The following NCKAP1 variants were observed in gnomAD, a reference collection of about 807,000 sequenced individuals.
NCKAP1 encodes the protein NCK associated protein 1.
NCKAP1 carries 21 observed loss-of-function variants against 151.2 expected under a neutral mutation model. The ratio of observed to expected loss-of-function variants is 0.14; its 90% confidence interval spans 0.10 to 0.20. The LOEUF (loss-of-function observed/expected upper bound fraction) is 0.20. Among genes scored for constraint, NCKAP1 ranks in the 10% least tolerant of loss-of-function variants. The probability of loss-of-function intolerance (pLI) is 1.00; values close to 1 mark genes in which losing one functional copy is unlikely to be tolerated. For synonymous variants in NCKAP1, 484 were observed against 451.8 expected (o/e 1.07, Z -0.90); for missense variants, 933 against 1,352.1 (o/e 0.69, Z 4.86).
chr2:182,953,322 A>C lies in NCKAP1; in HGVS notation c.2163T>G (p.Val721=). Residue 721 remains valine, a synonymous_variant, in exon 21 of 31, where the codon GTT becomes GTG. Coordinates refer to ENST00000361354, the MANE Select transcript of NCKAP1 (RefSeq NM_013436.5). ...HLEIRFTKSI[V]GMTMYNQATQ... Reference sequence around the variant, plus strand: ...TGGCTTGATTATACATAGTCATCCCAACAATTGACCTGGGAAGAAGGGATA... The same window carrying C: ...TGGCTTGATTATACATAGTCATCCCCACAATTGACCTGGGAAGAAGGGATA... 2 of 1,610,506 alleles carry C rather than the reference A, an allele frequency of 1.2e-6. No individual in the cohort carries two copies. The highest frequency in any genetic ancestry group is 2.2e-5 in the South Asian group (2 of 90,630).
At chr2:182,971,393 C>T (rs13000008) in intron 15 of NCKAP1, among the ~76,000 whole-genome samples, 10,499 of 69,530 alleles carry the variant, frequency 0.15, 861 homozygotes, top group Middle Eastern at 0.26. Context: ...GACTCCGTCT[C>T]AAAAAAAAAA....
chr2:182,934,282 C>T (rs984572418), intron 26 of NCKAP1: 1 of 152,276 alleles, frequency 6.6e-6, no homozygotes, highest in Non-Finnish European at 1.5e-5. Flanking sequence ...GGACTACAGG[C>T]ACCCGCCACC....
rs2105787253 is a variant in NCKAP1, at chr2:182,915,581, A to G, written c.*10121T>C. 6.6e-6 allele frequency: 1 copy of G among 152,274 alleles called. No individual in the cohort carries two copies. Among genetic ancestry groups the G allele is most frequent in the South Asian group, 2.1e-4 (1 of 4,822 alleles). 9.4% of individuals were successfully genotyped at this position (152,274 alleles called of 1,614,324 possible). On this transcript the variant is annotated 3_prime_UTR_variant, in exon 31 of 31. Transcript: ENST00000361354. Reference sequence around the variant, plus strand: ...CAGCTGCGAAAGAACTGCCAGTGCAATCTTGAGACTAGATGAGGAGTTACA... The same window carrying G: ...CAGCTGCGAAAGAACTGCCAGTGCAGTCTTGAGACTAGATGAGGAGTTACA...
intron 2 of NCKAP1, among the ~76,000 whole-genome samples, chr2:183,009,419 A>AAGGG (rs1306212763): frequency 7.1e-5 from 7 of 98,282 alleles, no homozygotes; most frequent in African/African-American, 1.5e-4. Context: ...GGAAAGAGGG[A>AAGGG]AGGGAAGGAA....
chr2:182,983,123 G>C (rs530552548), intron 11 of NCKAP1, among the ~76,000 whole-genome samples, 163 bp downstream of exon 11: 1 of 152,092 alleles, frequency 6.6e-6, no homozygotes, highest in African/African-American at 2.4e-5. Context: ...AAGAATGCAG[G>C]GAGGTACGAT....
At chr2:182,949,172 G>T (rs962666722) in intron 23 of NCKAP1, among the ~76,000 whole-genome samples, 1 of 152,186 alleles carries the variant, frequency 6.6e-6, no homozygotes, top group African/African-American at 2.4e-5. Flanking sequence ...TACAGTAATT[G>T]ATAAGATGGC....
At position 182,952,586 on chromosome 2, in the gene NCKAP1, T is replaced by C; in HGVS notation, c.2504-84A>G. 2 of 1,147,818 alleles carry C rather than the reference T, an allele frequency of 1.7e-6. No individual in the cohort carries two copies. The highest frequency in any genetic ancestry group is 2.5e-5 in the East Asian group (1 of 40,412). The allele number at this position is 1,147,818 out of a possible 1,614,324, so 71.1% of individuals were successfully genotyped here. A position where few individuals can be genotyped will look rare whatever the true frequency, so the allele number is the denominator to read the frequency against. ...AACATTAACACAATACAACATCTCA[T>C]TATAAAAACTAATGTAAAATCCTGA... On this transcript the variant is annotated intron_variant, in intron 22 of 30. Transcript: ENST00000361354.
chr2:183,013,850 G>T (rs1389530722), intron 2 of NCKAP1, among the ~76,000 whole-genome samples: 1 of 152,068 alleles, frequency 6.6e-6, no homozygotes, highest in East Asian at 1.9e-4. Context: ...CCTTGTTCCT[G>T]AACATGCCAG....
intron 24 of NCKAP1, among the ~76,000 whole-genome samples, chr2:182,940,918 T>C (rs1017102073): frequency 6.6e-6 from 1 of 152,252 alleles, no homozygotes; most frequent in Non-Finnish European, 1.5e-5. Flanking sequence ...TATAAGGTAA[T>C]CTTTAATTTT....
chr2:183,013,247 G>A (rs1322783597), intron 2 of NCKAP1, among the ~76,000 whole-genome samples: 4 of 151,790 alleles, frequency 2.6e-5, no homozygotes, highest in Non-Finnish European at 5.9e-5. Context: ...TAAACAATTG[G>A]CTATTTGATA....
chr2:182,977,730 T>C (rs1283417364), intron 14 of NCKAP1, among the ~76,000 whole-genome samples: 1 of 152,158 alleles, frequency 6.6e-6, no homozygotes, highest in African/African-American at 2.4e-5. Flanking sequence ...CACACTGTTG[T>C]TCAATAATCA....
At chr2:182,940,442 A>AT (rs998835320) in intron 24 of NCKAP1, among the ~76,000 whole-genome samples, 43 of 148,620 alleles carry the variant, frequency 2.9e-4, no homozygotes, top group African/African-American at 5.9e-4. Context: ...ATACAGCTCC[A>AT]TTTTTTTTTT....
At position 182,925,468 on chromosome 2, in the gene NCKAP1, A is replaced by G. The variant is rs1696624124; in HGVS notation, c.*234T>C. 3.7e-6 allele frequency: 1 copy of G among 267,160 alleles called. No individual in the cohort carries two copies. The highest frequency in any genetic ancestry group is 2.2e-5 in the African/African-American group (1 of 45,168). 16.5% of individuals were successfully genotyped at this position (267,160 alleles called of 1,614,324 possible). A position where few individuals can be genotyped will look rare whatever the true frequency, so the allele number is the denominator to read the frequency against. ...ATAATGTATGTTTTTCAAATAAATG[A>G]TACTTTAAAATTATAGGAATAATCT... On this transcript the variant is annotated 3_prime_UTR_variant, in exon 31 of 31. Coordinates refer to ENST00000361354, the MANE Select transcript of NCKAP1 (RefSeq NM_013436.5).
At chr2:183,001,926 C>T in intron 6 of NCKAP1, 27 bp downstream of exon 6, 1 of 1,577,104 alleles carries the variant, frequency 6.3e-7, no homozygotes, top group Non-Finnish European at 8.7e-7. Flanking sequence ...TGCCCATTCT[C>T]TCATATGCCT....
intron 2 of NCKAP1, among the ~76,000 whole-genome samples, chr2:183,020,204 T>C (rs560173401): frequency 1.3e-5 from 2 of 152,158 alleles, no homozygotes; most frequent in African/African-American, 4.8e-5. Context: ...GACTCAAGCC[T>C]GTAATCCCAG....
intron 2 of NCKAP1, among the ~76,000 whole-genome samples, chr2:183,008,630 G>T (rs72888442): frequency 0.089 from 13,556 of 152,204 alleles, 732 homozygotes; most frequent in Non-Finnish European, 0.12. Context: ...CAACATTTCT[G>T]AGCACAGCTT....
chr2:182,956,396 CTG>C, intron 20 of NCKAP1, 64 bp downstream of exon 20: 1 of 1,533,974 alleles, frequency 6.5e-7, no homozygotes, highest in Non-Finnish European at 8.9e-7. Flanking sequence ...TTATAAAACA[CTG>C]TATAATTAAA....
intron 1 of NCKAP1, among the ~76,000 whole-genome samples, chr2:183,024,707 TTAAC>T (rs1490718303): frequency 6.6e-6 from 1 of 152,234 alleles, no homozygotes; most frequent in African/African-American, 2.4e-5. Context: ...TGACATTAAA[TTAAC>T]TGCTTGCTAG....
intron 10 of NCKAP1, among the ~76,000 whole-genome samples, chr2:182,983,935 G>A (rs749365601): frequency 2.6e-5 from 4 of 151,870 alleles, no homozygotes; most frequent in Non-Finnish European, 5.9e-5. Flanking sequence ...GGAGGCTGAG[G>A]CAGGAAAATC....
Sources: gnomAD v4.1 joint callset for allele counts (sites outside exome capture counted in the v4.1 genomes callset) on GRCh38, gnomAD v4.1.1 for gene constraint, MANE v1.5 for transcripts, NCBI Gene and HGNC (gene_info 2026-07-23, HGNC 2026-07-21) for gene names.